The following EBF3 variants were observed in gnomAD, a reference collection of about 807,000 sequenced individuals.
EBF3 encodes EBF transcription factor 3.
In EBF3, 18 loss-of-function variants were observed where a neutral mutation model predicts 77.1. The ratio of observed to expected loss-of-function variants is 0.23; its 90% CI spans 0.16 to 0.35. EBF3 has a LOEUF of 0.35. Among genes scored for constraint, EBF3 ranks in the 10% least tolerant of loss-of-function variants. EBF3 has a pLI of 1.00. For synonymous variants in EBF3, 350 were observed against 343.5 expected, an observed-to-expected ratio of 1.02 and a Z score of -0.21; for missense variants, 558 against 860.0, an observed-to-expected ratio of 0.65 and a Z score of 4.39.
chr10:129,963,474 G>C lies in EBF3; in HGVS notation c.184C>G (p.Leu62Val), dbSNP rs765876621. ...AHFEKQPPSNLRKSNFFHFVL... is the reference protein window; with the variant it reads ...AHFEKQPPSNVRKSNFFHFVL... ...AAGTGGAAGAAATTGGATTTCCGGA[G>C]GTTGGAAGGCGGCTGCTTCTCGAAG... is the stretch of plus-strand genomic sequence containing the variant. The change falls in exon 2 of 17, where the codon CTC (leucine) becomes GTC (valine). Residue 62 changes from leucine to valine, a missense_variant. By Grantham distance (32) the Leu-to-Val change is conservative (BLOSUM62 1). Coordinates refer to ENST00000440978, the MANE Select transcript of EBF3 (RefSeq NM_001375380.1). The surrounding 1 kb of genome is among the most constrained non-coding windows in gnomAD (Gnocchi z 7.1). 1 of 1,586,564 alleles carries C rather than the reference G, an allele frequency of 6.3e-7. No individual in the cohort carries two copies. The highest frequency in any genetic ancestry group is 8.6e-7 in the Non-Finnish European group (1 of 1,166,502).
At chr10:129,929,669 A>G (rs995685754) in intron 6 of EBF3, among the ~76,000 whole-genome samples, 1 of 152,214 alleles carries the variant, frequency 6.6e-6, no homozygotes, top group African/African-American at 2.4e-5. Context: ...TCAGACGTGG[A>G]GCCCCATGCT....
chr10:129,867,067 T>G, intron 10 of EBF3, 74 bp downstream of exon 10: 7 of 1,547,686 alleles, frequency 4.5e-6, no homozygotes, highest in Non-Finnish European at 6.1e-6. Flanking sequence ...AGTCCTCCCG[T>G]GCCCTCATGA....
chr10:129,895,789 A>G (rs1854329611), intron 6 of EBF3, among the ~76,000 whole-genome samples: 1 of 149,482 alleles, frequency 6.7e-6, no homozygotes, highest in African/African-American at 2.5e-5. Context: ...AGGACATGAC[A>G]CAGATTATTT....
At chr10:129,860,321 G>C (rs1589725407) in intron 10 of EBF3, among the ~76,000 whole-genome samples, 2 of 151,804 alleles carry the variant, frequency 1.3e-5, no homozygotes, top group African/African-American at 4.8e-5. Flanking sequence ...CACCTACTCA[G>C]GGGGCTTAAC....
At chr10:129,871,165 T>C (rs1451458184) in intron 8 of EBF3, among the ~76,000 whole-genome samples, 1 of 152,334 alleles carries the variant, frequency 6.6e-6, no homozygotes, top group East Asian at 1.9e-4. Context: ...GCAAATCGCT[T>C]CTGTGCTGCA....
intron 6 of EBF3, among the ~76,000 whole-genome samples, chr10:129,901,286 GC>G (rs1455331781): frequency 1.3e-5 from 2 of 152,156 alleles, no homozygotes; most frequent in Non-Finnish European, 2.9e-5. Context: ...TTATTTGCAG[GC>G]CAGAGGAATG....
At chr10:129,886,109 G>A (rs114100529) in intron 6 of EBF3, among the ~76,000 whole-genome samples, 251 of 142,850 alleles carry the variant, frequency 1.8e-3, no homozygotes, top group African/African-American at 6.0e-3. Flanking sequence ...TTTCCTCCTC[G>A]GATGTACATT....
chr10:129,899,391 TCTC>T (rs1253101925), intron 6 of EBF3, among the ~76,000 whole-genome samples: 1 of 152,126 alleles, frequency 6.6e-6, no homozygotes, highest in African/African-American at 2.4e-5. Context: ...AGGAAGTTGT[TCTC>T]CTCCAGGCCC....
intron 6 of EBF3, among the ~76,000 whole-genome samples, chr10:129,889,802 C>CAA (rs57252162): frequency 0.049 from 5,636 of 114,692 alleles, 266 homozygotes; most frequent in African/African-American, 0.12. Flanking sequence ...GTCACATCTG[C>CAA]AAAAAAAAAA....
intron 6 of EBF3, among the ~76,000 whole-genome samples, chr10:129,890,150 A>C (rs765673077): frequency 1.3e-5 from 2 of 152,032 alleles, no homozygotes; most frequent in Non-Finnish European, 2.9e-5. Context: ...CAGATAATGA[A>C]AATTTTTTCA....
intron 6 of EBF3, among the ~76,000 whole-genome samples, chr10:129,903,671 T>C (rs994675683): frequency 1.3e-5 from 2 of 152,150 alleles, no homozygotes; most frequent in African/African-American, 4.8e-5. Flanking sequence ...AGTGGGGACA[T>C]ATTGGGCCTG....
Position 129,859,488 on chromosome 10 carries a change from G to T in EBF3, c.1039+7653C>A, listed in dbSNP as rs11016978. On this transcript the variant is annotated intron_variant, in intron 10 of 16. Coordinates refer to ENST00000440978, the MANE Select transcript of EBF3 (RefSeq NM_001375380.1). ...GATCCACCCGCCTCAGCCTCCCAAA[G>T]TGCTGGGATTACAGGCATGAGCCAC... is the stretch of plus-strand genomic sequence containing the variant. Among the ~76,000 whole-genome samples the T allele has an allele frequency of 2.7e-3, 418 of 152,314 alleles. 10 individuals carry two copies. The East Asian group carries it at 0.073, about 27-fold the overall frequency.
At chr10:129,906,397 T>C (rs1247644395) in intron 6 of EBF3, among the ~76,000 whole-genome samples, 1 of 152,214 alleles carries the variant, frequency 6.6e-6, no homozygotes, top group East Asian at 1.9e-4. Flanking sequence ...TAGATCCCAT[T>C]AAACTGCTGC....
chr10:129,865,176 G>A lies in EBF3; in HGVS notation c.1039+1965C>T, dbSNP rs556246913. 1.4e-4 allele frequency among the ~76,000 whole-genome samples: 22 copies of A among 152,272 alleles called. 1 individual carries two copies. The South Asian group carries it at 3.9e-3, about 27-fold the overall frequency. On this transcript the variant is annotated intron_variant, in intron 10 of 16. Transcript: ENST00000440978. ...GCACCGTGTGGCTTCAGCACACACC[G>A]GCAAGGTGCCAGAAAGGACCCCCCA...
chr10:129,868,082 A>G (rs768847025), intron 8 of EBF3, among the ~76,000 whole-genome samples, 170 bp from the exon 9 acceptor site: 36 of 152,244 alleles, frequency 2.4e-4, no homozygotes, highest in Non-Finnish European at 4.9e-4. Context: ...TTTAAAGCAA[A>G]CTATTAAATG....
At chr10:129,953,105 C>T (rs369595385) in intron 6 of EBF3, among the ~76,000 whole-genome samples, 11 of 150,904 alleles carry the variant, frequency 7.3e-5, no homozygotes, top group African/African-American at 2.4e-4. Flanking sequence ...AATCTCCAAT[C>T]GTTGGGCTAC....
chr10:129,903,394 T>C (rs1015196490), intron 6 of EBF3, among the ~76,000 whole-genome samples: 17 of 152,254 alleles, frequency 1.1e-4, no homozygotes, highest in African/African-American at 4.1e-4. Context: ...TAGCTGTGGT[T>C]ATCTTATTCT....
At chr10:129,937,964 G>A (rs982100830) in intron 6 of EBF3, among the ~76,000 whole-genome samples, 62 of 152,222 alleles carry the variant, frequency 4.1e-4, no homozygotes, top group African/African-American at 1.5e-3. Flanking sequence ...CTTTTAAGTA[G>A]GCACATGGGT....
At chr10:129,867,337 A>G in intron 9 of EBF3, 70 bp from the exon 10 acceptor site, 1 of 1,592,292 alleles carries the variant, frequency 6.3e-7, no homozygotes, top group Non-Finnish European at 8.5e-7. Flanking sequence ...TGCCAGTTGG[A>G]TATAATTACC....
Sources: gnomAD v4.1 joint callset for allele counts (sites outside exome capture counted in the v4.1 genomes callset) on GRCh38, gnomAD v4.1.1 for gene constraint, Gnocchi (gnomAD v3.1) non-coding constraint, MANE v1.5 for transcripts, NCBI Gene and HGNC (gene_info 2026-07-23, HGNC 2026-07-21) for gene names.